KAT2B: variants seen among roughly 807,000 people sequenced by gnomAD.
KAT2B encodes the protein histone acetyltransferase KAT2B.
Under a neutral mutation model 105.9 loss-of-function variants are expected in KAT2B, and 36 were observed. The observed-to-expected ratio is 0.34, with a 90% CI of 0.26 to 0.45. The LOEUF (loss-of-function observed/expected upper bound fraction) is 0.45. Among genes scored for constraint, KAT2B ranks in the 20% least tolerant of loss-of-function variants. The probability of loss-of-function intolerance (pLI) is 1.00; values close to 1 mark genes in which losing one functional copy is unlikely to be tolerated. For missense variants in KAT2B, 820 were observed against 1,021.6 expected (o/e 0.80, Z 2.69); for synonymous variants, 397 against 377.9 (o/e 1.05, Z -0.59).
At chr3:20,121,031 C>G (rs1699298742) in intron 8 of KAT2B, among the ~76,000 whole-genome samples, 1 of 151,882 alleles carries the variant, frequency 6.6e-6, no homozygotes, top group Non-Finnish European at 1.5e-5. Context: ...GAGGGCATAT[C>G]AAGTACAAAC....
intron 6 of KAT2B, among the ~76,000 whole-genome samples, chr3:20,113,654 A>G (rs1009320022): frequency 2.0e-5 from 3 of 152,206 alleles, no homozygotes; most frequent in Non-Finnish European, 4.4e-5. Flanking sequence ...TGGCAGCAGA[A>G]CCACACATGT....
At chr3:20,076,312 G>A (rs1698418434) in intron 2 of KAT2B, among the ~76,000 whole-genome samples, 1 of 152,036 alleles carries the variant, frequency 6.6e-6, no homozygotes, top group Admixed American at 6.6e-5. Context: ...GGTACGGGGG[G>A]TATAGGTATT....
intron 9 of KAT2B, among the ~76,000 whole-genome samples, chr3:20,125,321 A>AT (rs1699382000): frequency 1.3e-5 from 2 of 151,704 alleles, no homozygotes; most frequent in Non-Finnish European, 2.9e-5. Context: ...AAAAAAAAAA[A>AT]AAAAGAATAT....
At position 20,124,565 on chromosome 3, in the gene KAT2B, C is replaced by G. The variant is rs1274093089; in HGVS notation, c.1414-1340C>G. Among the ~76,000 whole-genome samples, 19 of 152,212 alleles carry G rather than the reference C, an allele frequency of 1.2e-4. 1 individual carries two copies. The highest frequency in any genetic ancestry group is 1.2e-3 in the Admixed American group (19 of 15,286). On this transcript the variant is annotated intron_variant, in intron 9 of 17. Coordinates refer to ENST00000263754, the MANE Select transcript of KAT2B (RefSeq NM_003884.5). Reference sequence around the variant, plus strand: ...TGCCCTGATGATCCAACACTTCCCACTAGGCCCCACCTCCAACATTGGAGA... The same window carrying G: ...TGCCCTGATGATCCAACACTTCCCAGTAGGCCCCACCTCCAACATTGGAGA...
intron 1 of KAT2B, among the ~76,000 whole-genome samples, chr3:20,064,119 A>G (rs1218333889): frequency 6.6e-6 from 1 of 152,228 alleles, no homozygotes; most frequent in Non-Finnish European, 1.5e-5. Flanking sequence ...GTACCTTGTT[A>G]CATCCCACAA....
chr3:20,124,277 A>T (rs1699360934), intron 9 of KAT2B, among the ~76,000 whole-genome samples: 1 of 152,176 alleles, frequency 6.6e-6, no homozygotes, highest in Admixed American at 6.5e-5. Flanking sequence ...TTATTTTTTT[A>T]AAAAAGAGCT....
At chr3:20,096,756 CTCTTT>C (rs1429319151) in intron 3 of KAT2B, among the ~76,000 whole-genome samples, 14 of 152,160 alleles carry the variant, frequency 9.2e-5, no homozygotes, top group Admixed American at 5.9e-4. Context: ...GTTCCTATAG[CTCTTT>C]TCTTTTCTTT....
intron 1 of KAT2B, among the ~76,000 whole-genome samples, chr3:20,058,663 G>A (rs550007454): frequency 1.3e-5 from 2 of 152,022 alleles, no homozygotes; most frequent in Non-Finnish European, 2.9e-5. Flanking sequence ...ATCCCAGCTT[G>A]AAGTCATAGC....
chr3:20,046,297 A>G (rs1246794911), intron 1 of KAT2B, among the ~76,000 whole-genome samples: 2 of 152,200 alleles, frequency 1.3e-5, no homozygotes, highest in African/African-American at 4.8e-5. Context: ...TTGAAAAAAT[A>G]GGCCCAGGGC....
Position 20,066,551 on chromosome 3 carries a change from A to T in KAT2B, c.304-5782A>T, listed in dbSNP as rs141706147. ...GTAGCTGGGATTACAGGCATGTGTC[A>T]CTATGCCTGGCTAATTTTTGTGTTT... On this transcript the variant is annotated intron_variant, in intron 1 of 17. Transcript: ENST00000263754. 1.8e-3 allele frequency among the ~76,000 whole-genome samples: 281 copies of T among 152,084 alleles called. 2 individuals carry two copies. The South Asian group carries it at 0.023, about 12-fold the overall frequency.
At chr3:20,043,024 T>A (rs913209181) in intron 1 of KAT2B, among the ~76,000 whole-genome samples, 1 of 152,068 alleles carries the variant, frequency 6.6e-6, no homozygotes, top group Non-Finnish European at 1.5e-5. Context: ...CATCAGCCTC[T>A]TGAGTAGCTG....
At chr3:20,124,892 A>G (rs749459184) in intron 9 of KAT2B, among the ~76,000 whole-genome samples, 7 of 152,214 alleles carry the variant, frequency 4.6e-5, no homozygotes, top group Non-Finnish European at 7.3e-5. Context: ...TGGAGCATCT[A>G]CTTGCAAACC....
chr3:20,059,063 C>T (rs889529351), intron 1 of KAT2B, among the ~76,000 whole-genome samples: 3 of 152,132 alleles, frequency 2.0e-5, no homozygotes, highest in Non-Finnish European at 4.4e-5. Context: ...AAAGAGAAAA[C>T]TTCTGGCAAT....
intron 11 of KAT2B, among the ~76,000 whole-genome samples, chr3:20,130,358 C>T (rs1194575407): frequency 6.6e-6 from 1 of 152,122 alleles, no homozygotes; most frequent in Non-Finnish European, 1.5e-5. Context: ...TTAGATGGTG[C>T]TGTTGCTGTG....
intron 12 of KAT2B, among the ~76,000 whole-genome samples, chr3:20,139,938 A>T (rs1699668798): frequency 6.6e-6 from 1 of 152,166 alleles, no homozygotes; most frequent in Admixed American, 6.5e-5. Context: ...ACAAAATTAA[A>T]CCTAATTTTT....
intron 13 of KAT2B, among the ~76,000 whole-genome samples, 179 bp from the exon 14 acceptor site, chr3:20,146,137 T>A (rs563762188): frequency 7.9e-5 from 12 of 152,368 alleles, no homozygotes; most frequent in Non-Finnish European, 1.3e-4. Context: ...TGTCACTAAA[T>A]AGACATGGTA....
chr3:20,089,251 C>G (rs1419630015), intron 2 of KAT2B, among the ~76,000 whole-genome samples: 2 of 151,986 alleles, frequency 1.3e-5, no homozygotes, highest in African/African-American at 2.4e-5. Flanking sequence ...ATTATTTTTT[C>G]TATTTCTGTG....
chr3:20,104,362 C>T (rs1266873415), intron 5 of KAT2B, among the ~76,000 whole-genome samples: 7 of 152,138 alleles, frequency 4.6e-5, no homozygotes, highest in Admixed American at 4.6e-4. Flanking sequence ...ACACCAACCT[C>T]CCCCACGTCC....
chr3:20,064,425 G>A (rs1476820989), intron 1 of KAT2B, among the ~76,000 whole-genome samples: 2 of 152,152 alleles, frequency 1.3e-5, no homozygotes, highest in African/African-American at 2.4e-5. Flanking sequence ...ACTCTGCTGT[G>A]CGATAGAACA....
Sources: gnomAD v4.1 joint callset for allele counts (sites outside exome capture counted in the v4.1 genomes callset) on GRCh38, gnomAD v4.1.1 for gene constraint, MANE v1.5 for transcripts, NCBI Gene and HGNC (gene_info 2026-07-23, HGNC 2026-07-21) for gene names.